The following FAM240B variants were observed in gnomAD, a reference collection of about 807,000 sequenced individuals.
FAM240B encodes the protein family with sequence similarity 240 member B, also known as protein FAM240B.
chr9:38,713,484 A>AC (rs1355018739), intron 1 of FAM240B, among the ~76,000 whole-genome samples: 2 of 147,482 alleles, frequency 1.4e-5, no homozygotes, highest in African/African-American at 2.5e-5. Context: ...TTTCAAACAA[A>AC]AAAAAAAAAA....
chr9:38,720,077 C>T lies in FAM240B; in HGVS notation c.-59G>A, dbSNP rs1019852574. 4 of 152,206 alleles carry T rather than the reference C, an allele frequency of 2.6e-5. No individual in the cohort carries two copies. The highest frequency in any genetic ancestry group is 4.4e-5 in the Non-Finnish European group (3 of 68,068). The allele number at this position is 152,206 out of a possible 1,614,324, so 9.4% of individuals were successfully genotyped here. On this transcript the variant is annotated 5_prime_UTR_variant, in exon 1 of 3. Transcript: ENST00000637493. ...CTAGGGTGCAAAGGAGGGCAAGACTCCCGGGCCTGCTCTTGATTCCTCAGG... is the reference window on the plus strand; with the variant it reads ...CTAGGGTGCAAAGGAGGGCAAGACTTCCGGGCCTGCTCTTGATTCCTCAGG...
At chr9:38,695,329 T>C (rs1431258787) in intron 2 of FAM240B, among the ~76,000 whole-genome samples, 1 of 152,200 alleles carries the variant, frequency 6.6e-6, no homozygotes. Context: ...GAGACCATCC[T>C]GGCTAACACG....
At chr9:38,702,327 A>C (rs1219311238) in intron 2 of FAM240B, among the ~76,000 whole-genome samples, 7 of 152,228 alleles carry the variant, frequency 4.6e-5, no homozygotes, top group Non-Finnish European at 7.3e-5. Context: ...CTCTGGCTTA[A>C]GAAAGGATTT....
chr9:38,696,828 G>GT (rs1368267790), intron 2 of FAM240B, among the ~76,000 whole-genome samples: 1 of 152,108 alleles, frequency 6.6e-6, no homozygotes, highest in Non-Finnish European at 1.5e-5. Context: ...ATTAAAAAAA[G>GT]TGATGATTTA....
At chr9:38,708,602 C>T (rs1821217870) in intron 1 of FAM240B, among the ~76,000 whole-genome samples, 1 of 152,102 alleles carries the variant, frequency 6.6e-6, no homozygotes, top group Non-Finnish European at 1.5e-5. Context: ...TGCTCGGAGC[C>T]CCTTTGCTTA....
rs527909647 is a variant in FAM240B at position 38,704,979 on chromosome 9, C to A, written c.-3-977G>T. Among the ~76,000 whole-genome samples, 17 of 152,352 alleles carry A rather than the reference C, an allele frequency of 1.1e-4. No individual in the cohort carries two copies. In the South Asian group the frequency reaches 1.9e-3, roughly 17 times the overall value. ...CATTTGGAAATGGGTATGTCCGGGG[C>A]AAGCTCGTTCAGCATATGTATATAC... On this transcript the variant is annotated intron_variant, in intron 1 of 2. Transcript: ENST00000637493.
chr9:38,702,599 G>C (rs1326274197), intron 2 of FAM240B, among the ~76,000 whole-genome samples: 1 of 152,214 alleles, frequency 6.6e-6, no homozygotes, highest in Non-Finnish European at 1.5e-5. Flanking sequence ...GAGGGTAGGT[G>C]CTGGCCCTGG....
intron 1 of FAM240B, among the ~76,000 whole-genome samples, chr9:38,707,626 CA>C (rs1015904802): frequency 1.7e-4 from 21 of 124,628 alleles, no homozygotes; most frequent in South Asian, 2.5e-4. Flanking sequence ...AAAAAAAAAA[CA>C]AAAAAAAAAC....
intron 2 of FAM240B, among the ~76,000 whole-genome samples, chr9:38,700,204 T>C (rs1049092635): frequency 6.6e-6 from 1 of 152,232 alleles, no homozygotes; most frequent in Non-Finnish European, 1.5e-5. Context: ...GTAGACTAAC[T>C]CTTGTCTTAT....
chr9:38,710,483 T>C (rs1398840035), intron 1 of FAM240B, among the ~76,000 whole-genome samples: 1 of 152,256 alleles, frequency 6.6e-6, no homozygotes, highest in Non-Finnish European at 1.5e-5. Context: ...TATCTGCTTC[T>C]GACTCCCACC....
chr9:38,701,113 C>G (rs1821120940), intron 2 of FAM240B, among the ~76,000 whole-genome samples: 1 of 152,120 alleles, frequency 6.6e-6, no homozygotes, highest in African/African-American at 2.4e-5. Flanking sequence ...TTGGATTTGC[C>G]TTTTATAAAT....
Position 38,712,115 on chromosome 9 carries a change from C to G in FAM240B, c.-4+7907G>C, listed in dbSNP as rs114920227. Among the ~76,000 whole-genome samples the G allele has an allele frequency of 7.2e-3, 1,093 of 152,224 alleles. 17 individuals carry two copies. Among genetic ancestry groups the G allele is most frequent in the African/African-American group, 0.025 (1,049 of 41,534 alleles). On this transcript the variant is annotated intron_variant, in intron 1 of 2. Coordinates refer to ENST00000637493, the MANE Select transcript of FAM240B (RefSeq NM_001394922.1). ...ATACAACATCGTCTGGGCAATATGA[C>G]TGAGTTCTTGGGTAGCTTGGAGTTT...
chr9:38,715,773 T>C (rs1040905512), intron 1 of FAM240B, among the ~76,000 whole-genome samples: 1 of 152,208 alleles, frequency 6.6e-6, no homozygotes, highest in Admixed American at 6.5e-5. Flanking sequence ...GAGGTCCATA[T>C]GGATTAATAG....
intron 1 of FAM240B, 89 bp from the exon 2 acceptor site, chr9:38,704,091 A>G (rs1338012450): frequency 1.0e-5 from 4 of 390,348 alleles, no homozygotes; most frequent in African/African-American, 2.1e-5. Flanking sequence ...GCATGTAGAC[A>G]CTGCCATTTA....
chr9:38,717,516 T>G (rs2119016726), intron 1 of FAM240B, among the ~76,000 whole-genome samples: 1 of 152,332 alleles, frequency 6.6e-6, no homozygotes, highest in South Asian at 2.1e-4. Context: ...AGTCTCGCTC[T>G]GTTGCCCAGG....
chr9:38,714,627 G>C (rs1427497385), intron 1 of FAM240B, among the ~76,000 whole-genome samples: 1 of 152,228 alleles, frequency 6.6e-6, no homozygotes, highest in Non-Finnish European at 1.5e-5. Flanking sequence ...GATGTGACAT[G>C]ATGTGACACG....
At chr9:38,699,893 C>T (rs6476730) in intron 2 of FAM240B, among the ~76,000 whole-genome samples, 5,180 of 152,288 alleles carry the variant, frequency 0.034, 276 homozygotes, top group African/African-American at 0.12. Flanking sequence ...GATCTCTGTG[C>T]TTTTACTTTA....
chr9:38,713,997 AC>A (rs1172931441), intron 1 of FAM240B, among the ~76,000 whole-genome samples: 2 of 152,188 alleles, frequency 1.3e-5, no homozygotes, highest in Admixed American at 1.3e-4. Context: ...CTGTAAATAA[AC>A]CCTGAACACA....
At chr9:38,701,876 A>G (rs1821131910) in intron 2 of FAM240B, among the ~76,000 whole-genome samples, 1 of 150,630 alleles carries the variant, frequency 6.6e-6, no homozygotes, top group Non-Finnish European at 1.5e-5. Flanking sequence ...ATGGCACAGG[A>G]TCATTACAGA....
Sources: allele counts gnomAD v4.1 joint callset (sites outside exome capture counted in the v4.1 genomes callset), GRCh38; gene constraint gnomAD v4.1.1; transcripts MANE v1.5; gene names NCBI Gene and HGNC (gene_info 2026-07-23, HGNC 2026-07-21).